The following OSBPL3 variants were observed in gnomAD, a reference collection of about 807,000 sequenced individuals.
The protein encoded by OSBPL3 is oxysterol-binding protein-related protein 3.
OSBPL3 carries 65 observed loss-of-function variants against 120.1 expected under a neutral mutation model. The observed-to-expected ratio is 0.54, with a 90% CI of 0.44 to 0.67. The LOEUF (loss-of-function observed/expected upper bound fraction) is 0.67, where lower values mean the gene tolerates loss of function less well. Ranked by LOEUF, OSBPL3 falls within the 30% of genes least tolerant of loss-of-function variation. The pLI, the probability that OSBPL3 is intolerant of heterozygous loss-of-function variation, is 0.00. For missense variants in OSBPL3, 1,004 were observed against 1,082.1 expected, an observed-to-expected ratio of 0.93 and a Z score of 1.01; for synonymous variants, 416 against 402.6, an observed-to-expected ratio of 1.03 and a Z score of -0.40.
chr7:24,935,312 T>C (rs1410718130), intron 1 of OSBPL3, among the ~76,000 whole-genome samples: 1 of 152,146 alleles, frequency 6.6e-6, no homozygotes, highest in African/African-American at 2.4e-5. Context: ...CACACTACAA[T>C]TAGGCTACAC....
Position 24,861,707 on chromosome 7 carries a change from T to C in OSBPL3, c.933A>G (p.Leu311=), listed in dbSNP as rs771495809. Residue 311 remains leucine, a synonymous_variant, in exon 10 of 23, where the codon CTA becomes CTG. Coordinates refer to ENST00000313367, the MANE Select transcript of OSBPL3 (RefSeq NM_015550.4). ...LHSSNPNLST[L]DFGEEKNYSD... is the part of the protein sequence containing the mutation. ...AATAATTTTTCTCTTCTCCAAAATC[T>C]AGTGTTGACAAATTAGGATTGGAGG... 2.8e-5 allele frequency: 45 copies of C among 1,612,102 alleles called. No individual in the cohort carries two copies. Among genetic ancestry groups the C allele is most frequent in the Non-Finnish European group, 1.7e-6 (2 of 1,178,668 alleles).
intron 1 of OSBPL3, among the ~76,000 whole-genome samples, chr7:24,963,543 G>A (rs1287692698): frequency 6.6e-6 from 1 of 152,188 alleles, no homozygotes; most frequent in Non-Finnish European, 1.5e-5. Flanking sequence ...ATCTGGCTGA[G>A]TGCGCATCTG....
chr7:24,814,456 C>T lies in OSBPL3; in HGVS notation c.2172+603G>A, dbSNP rs370452124. The stretch of plus-strand genomic sequence containing the variant: ...TGCTCAAAGGAATGATACAGCATGA[C>T]ATTAAAAAAAAAAAAAGTCTGGTAA... On this transcript the variant is annotated intron_variant, in intron 19 of 22. Transcript: ENST00000313367. Among the ~76,000 whole-genome samples the T allele has an allele frequency of 1.1e-4, 16 of 147,990 alleles. 1 individual carries two copies. Among genetic ancestry groups the T allele is most frequent in the African/African-American group, 3.5e-4 (14 of 40,206 alleles).
chr7:24,842,603 C>T (rs762389583), intron 12 of OSBPL3, among the ~76,000 whole-genome samples, 190 bp from the exon 13 acceptor site: 1 of 152,212 alleles, frequency 6.6e-6, no homozygotes, highest in Admixed American at 6.5e-5. Flanking sequence ...AATATGGGCA[C>T]CTCACTTACA....
chr7:24,846,519 C>T (rs939243230), intron 12 of OSBPL3, among the ~76,000 whole-genome samples: 1 of 152,124 alleles, frequency 6.6e-6, no homozygotes, highest in East Asian at 1.9e-4. Flanking sequence ...AAAGTTTTGG[C>T]CTTTTTTAGT....
rs970401095 is a variant in OSBPL3, at chr7:24,972,903, C to T, written c.-150+6983G>A. ...ACTATTACAATATTTGATATCAAGACAGGAAACCAGTGTGGGAATCTTTAC... is the reference window on the plus strand; with the variant it reads ...ACTATTACAATATTTGATATCAAGATAGGAAACCAGTGTGGGAATCTTTAC... On this transcript the variant is annotated intron_variant, in intron 1 of 22. Coordinates refer to ENST00000313367, the MANE Select transcript of OSBPL3 (RefSeq NM_015550.4). This position sits in a 1 kb window ranked among gnomAD's most constrained non-coding sequence, Gnocchi z 4.3. Among the ~76,000 whole-genome samples, 1 of 152,114 alleles carries T rather than the reference C, an allele frequency of 6.6e-6. No homozygotes were observed. The highest frequency in any genetic ancestry group is 2.4e-5 in the African/African-American group (1 of 41,400).
Position 24,947,960 on chromosome 7 carries a change from T to C in OSBPL3, c.-150+31926A>G, listed in dbSNP as rs1341674650. Among the ~76,000 whole-genome samples the C allele has an allele frequency of 6.6e-6, 1 of 152,190 alleles. No individual in the cohort carries two copies. The highest frequency in any genetic ancestry group is 6.5e-5 in the Admixed American group (1 of 15,284). On this transcript the variant is annotated intron_variant, in intron 1 of 22. Coordinates refer to ENST00000313367, the MANE Select transcript of OSBPL3 (RefSeq NM_015550.4). This position sits in a 1 kb window ranked among gnomAD's most constrained non-coding sequence, Gnocchi z 4.4. ...TATATCACAGATTAAGCTTTAAGAA[T>C]GATTTTTTTAATCCAATGTTCATTT...
rs1802436284 is a variant in OSBPL3 at position 24,873,418 on chromosome 7, GATC to G, written c.97-1352_97-1350del. On this transcript the variant is annotated intron_variant, in intron 2 of 22. Transcript: ENST00000313367. The surrounding 1 kb of genome is among the most constrained non-coding windows in gnomAD (Gnocchi z 4.1). ...TTAGCAACTGAATTCTTTACATAAT[GATC>G]GTGATGGGTCTGCCTTCTATCTGAT... 6.6e-6 allele frequency among the ~76,000 whole-genome samples: 1 copy of G among 152,174 alleles called. No homozygotes were observed. Among genetic ancestry groups the G allele is most frequent in the Non-Finnish European group, 1.5e-5 (1 of 68,040 alleles).
Position 24,872,173 on chromosome 7 carries a change from T to G in OSBPL3, c.97-104A>C. 4 of 823,444 alleles carry G rather than the reference T, an allele frequency of 4.9e-6. No individual in the cohort carries two copies. Among genetic ancestry groups the G allele is most frequent in the Non-Finnish European group, 8.3e-6 (4 of 483,994 alleles). The allele number at this position is 823,444 out of a possible 1,614,324, so 51.0% of individuals were successfully genotyped here. On this transcript the variant is annotated intron_variant, in intron 2 of 22. Transcript: ENST00000313367. The surrounding 1 kb of genome is among the most constrained non-coding windows in gnomAD (Gnocchi z 4.1). ...GTAAATTTATTCAAGATGGGGAGGC[T>G]GGCTGGGTTTGTTGGGGAGAAGAAA...
At position 24,968,652 on chromosome 7, in the gene OSBPL3, C is replaced by A. The variant is rs1227440764; in HGVS notation, c.-150+11234G>T. Among the ~76,000 whole-genome samples, 3 of 152,226 alleles carry A rather than the reference C, an allele frequency of 2.0e-5. No individual in the cohort carries two copies. The highest frequency in any genetic ancestry group is 7.2e-5 in the African/African-American group (3 of 41,442). On this transcript the variant is annotated intron_variant, in intron 1 of 22. Coordinates refer to ENST00000313367, the MANE Select transcript of OSBPL3 (RefSeq NM_015550.4). This position sits in a 1 kb window ranked among gnomAD's most constrained non-coding sequence, Gnocchi z 4.6. ...CCTCAGGTGATTCGCCCACCTCGGC[C>A]TCCCAAAGTGCTAGGATTACAGGTG...
At chr7:24,887,503 T>C (rs1804705410) in intron 2 of OSBPL3, among the ~76,000 whole-genome samples, 1 of 152,224 alleles carries the variant, frequency 6.6e-6, no homozygotes, top group South Asian at 2.1e-4. Context: ...AGACTGTCAA[T>C]GTCTTTTAGC....
rs1812952820 is a variant in OSBPL3, at chr7:24,940,489, A to G, written c.-150+39397T>C. Among the ~76,000 whole-genome samples, 1 of 152,208 alleles carries G rather than the reference A, an allele frequency of 6.6e-6. No homozygotes were observed. Among genetic ancestry groups the G allele is most frequent in the Non-Finnish European group, 1.5e-5 (1 of 68,038 alleles). ...CTGAACAGGGTGCAGATCAGGGAAT[A>G]AATTCACAATGAGTCTGAAGAAAAG... On this transcript the variant is annotated intron_variant, in intron 1 of 22. Transcript: ENST00000313367. The surrounding 1 kb of genome is among the most constrained non-coding windows in gnomAD (Gnocchi z 4.4).
In OSBPL3 at chr7:24,937,148, A is replaced by T. The variant is rs1278650999; in HGVS notation, c.-150+42738T>A. Among the ~76,000 whole-genome samples, 2 of 152,234 alleles carry T rather than the reference A, an allele frequency of 1.3e-5. No homozygotes were observed. The highest frequency in any genetic ancestry group is 4.8e-5 in the African/African-American group (2 of 41,470). On this transcript the variant is annotated intron_variant, in intron 1 of 22. Transcript: ENST00000313367. The surrounding 1 kb of genome is among the most constrained non-coding windows in gnomAD (Gnocchi z 4.0). ...CCTTCTTCACATGGCGGCAGGAGAAATGCCGAGCAAAAGGGGGAAAAGGCC... is the reference window on the plus strand; with the variant it reads ...CCTTCTTCACATGGCGGCAGGAGAATTGCCGAGCAAAAGGGGGAAAAGGCC...
At chr7:24,880,286 T>C (rs950136957) in intron 2 of OSBPL3, among the ~76,000 whole-genome samples, 5 of 152,126 alleles carry the variant, frequency 3.3e-5, no homozygotes, top group African/African-American at 1.2e-4. Flanking sequence ...GCAGACTGCG[T>C]CTTGAGATCC....
chr7:24,880,353 T>C (rs1034523897), intron 2 of OSBPL3, among the ~76,000 whole-genome samples: 9 of 152,076 alleles, frequency 5.9e-5, no homozygotes, highest in African/African-American at 2.2e-4. Flanking sequence ...AGAAGCAAAC[T>C]AGCACTCAGC....
chr7:24,909,779 C>CTTTTTTTTTTT (rs1808526705), intron 1 of OSBPL3, among the ~76,000 whole-genome samples: 1 of 87,840 alleles, frequency 1.1e-5, no homozygotes. Flanking sequence ...TTTTTTTTTT[C>CTTTTTTTTTTT]TTTCTTTTTT....
rs1044262321 is a variant in OSBPL3 at position 24,822,504 on chromosome 7, C to A, written c.1885-2266G>T. 3.9e-5 allele frequency among the ~76,000 whole-genome samples: 6 copies of A among 152,066 alleles called. No homozygotes were observed. The highest frequency in any genetic ancestry group is 1.4e-4 in the African/African-American group (6 of 41,394). ...ACTTCTCCACCCCAGCTGGCATGACCCACTATGAAATGGAAGGAAAGCTAT... is the reference window on the plus strand; with the variant it reads ...ACTTCTCCACCCCAGCTGGCATGACACACTATGAAATGGAAGGAAAGCTAT... On this transcript the variant is annotated intron_variant, in intron 16 of 22. Coordinates refer to ENST00000313367, the MANE Select transcript of OSBPL3 (RefSeq NM_015550.4). The surrounding 1 kb of genome is among the most constrained non-coding windows in gnomAD (Gnocchi z 5.8).
Position 24,892,601 on chromosome 7 carries a change from G to A in OSBPL3, c.-129C>T, listed in dbSNP as rs1045885237. 2.1e-6 allele frequency: 3 copies of A among 1,400,922 alleles called. No homozygotes were observed. The allele number at this position is 1,400,922 out of a possible 1,614,324, so 86.8% of individuals were successfully genotyped here. A position where few individuals can be genotyped will look rare whatever the true frequency, so the allele number is the denominator to read the frequency against. ...AAGTATTTAAAAAACATTTTGGGTG[G>A]CCCAAAGGAAACCCTAAAACCTAAA... On this transcript the variant is annotated 5_prime_UTR_variant, in exon 2 of 23. Coordinates refer to ENST00000313367, the MANE Select transcript of OSBPL3 (RefSeq NM_015550.4).
chr7:24,901,021 G>GAA (rs11395096), intron 1 of OSBPL3, among the ~76,000 whole-genome samples: 2,726 of 128,514 alleles, frequency 0.021, 45 homozygotes, highest in Non-Finnish European at 0.029. Flanking sequence ...ACCTTGTCTC[G>GAA]AAAAAAAAAA....
Sources: gnomAD v4.1 joint callset for allele counts (sites outside exome capture counted in the v4.1 genomes callset) on GRCh38, gnomAD v4.1.1 for gene constraint, Gnocchi (gnomAD v3.1) non-coding constraint, MANE v1.5 for transcripts, NCBI Gene and HGNC (gene_info 2026-07-23, HGNC 2026-07-21) for gene names.